UBE2F: variants seen among roughly 807,000 people sequenced by gnomAD.
UBE2F encodes the protein NEDD8-conjugating enzyme UBE2F.
A neutral mutation model predicts 29.6 loss-of-function variants in UBE2F; 5 were observed. The ratio of observed to expected loss-of-function variants is 0.17; its 90% confidence interval spans 0.09 to 0.36. The LOEUF (loss-of-function observed/expected upper bound fraction) is 0.36. UBE2F is among the 10% of genes least tolerant of loss of function. The pLI, the probability that UBE2F is intolerant of heterozygous loss-of-function variation, is 1.00. For missense variants in UBE2F, 141 were observed against 228.5 expected (o/e 0.62, Z 2.47); for synonymous variants, 66 against 81.8 (o/e 0.81, Z 1.04).
chr2:237,969,622 ACT>A (rs1219734857), intron 1 of UBE2F, among the ~76,000 whole-genome samples: 2 of 151,918 alleles, frequency 1.3e-5, no homozygotes, highest in Non-Finnish European at 2.9e-5. Flanking sequence ...TTATTGGGTG[ACT>A]CTGACGATGT....
At chr2:238,035,701 A>C in intron 8 of UBE2F, 177 bp from the exon 9 acceptor site, 1 of 559,570 alleles carries the variant, frequency 1.8e-6, no homozygotes, top group South Asian at 2.4e-5. Flanking sequence ...TGAAAAAAAT[A>C]CCCACATGTT....
At chr2:238,032,568 T>C in intron 8 of UBE2F, 2 of 283,300 alleles carry the variant, frequency 7.1e-6, no homozygotes, top group South Asian at 4.9e-5. Context: ...TGAGCTGAGA[T>C]TGCACCACTG....
At position 237,982,471 on chromosome 2, in the gene UBE2F, A is replaced by G. The variant is rs1248223883; in HGVS notation, c.119-5492A>G. Among the ~76,000 whole-genome samples the G allele has an allele frequency of 2.0e-5, 3 of 152,058 alleles. No individual in the cohort carries two copies. The highest frequency in any genetic ancestry group is 7.2e-5 in the African/African-American group (3 of 41,406). On this transcript the variant is annotated intron_variant, in intron 2 of 9. Coordinates refer to ENST00000272930, the MANE Select transcript of UBE2F (RefSeq NM_080678.3). This position sits in a 1 kb window ranked among gnomAD's most constrained non-coding sequence, Gnocchi z 4.1. ...ATGCTGGCCCCTCTGCTTGCAATCC[A>G]CAGTCGCTTACCATGCCGTCTGGAC...
chr2:238,019,373 C>T (rs761266478), intron 5 of UBE2F, among the ~76,000 whole-genome samples: 1 of 152,074 alleles, frequency 6.6e-6, no homozygotes, highest in Non-Finnish European at 1.5e-5. Flanking sequence ...GCGTTTCCTT[C>T]CTGTCCCCCC....
chr2:238,036,035 AAG>A (rs745660529), intron 9 of UBE2F, 95 bp downstream of exon 9: 16 of 1,137,380 alleles, frequency 1.4e-5, no homozygotes, highest in Admixed American at 1.3e-4. Context: ...TTTATCCACC[AAG>A]AGAGTGGTGG....
At chr2:237,986,768 C>T (rs1356042481) in intron 2 of UBE2F, among the ~76,000 whole-genome samples, 3 of 152,188 alleles carry the variant, frequency 2.0e-5, no homozygotes, top group African/African-American at 7.2e-5. Context: ...ATTGAAGGAA[C>T]TATCCTTTCC....
At chr2:238,003,197 T>C (rs749086518) in intron 4 of UBE2F, among the ~76,000 whole-genome samples, 13 of 152,158 alleles carry the variant, frequency 8.5e-5, no homozygotes, top group Non-Finnish European at 1.6e-4. Context: ...CACAGTTTTT[T>C]TTTTTGGTGG....
intron 4 of UBE2F, among the ~76,000 whole-genome samples, chr2:237,998,406 T>G (rs1576609461): frequency 1.3e-5 from 2 of 152,312 alleles, no homozygotes; most frequent in East Asian, 3.9e-4. Flanking sequence ...AAATGGAATC[T>G]TATATATGTA....
At chr2:238,007,010 C>G in intron 4 of UBE2F, among the ~76,000 whole-genome samples, 1 of 152,006 alleles carries the variant, frequency 6.6e-6, no homozygotes, top group Non-Finnish European at 1.5e-5. Flanking sequence ...CCTGCCTCTG[C>G]CTCCCAAAGT....
chr2:238,011,298 C>T (rs1410840012), intron 4 of UBE2F, among the ~76,000 whole-genome samples: 1 of 152,208 alleles, frequency 6.6e-6, no homozygotes, highest in Admixed American at 6.5e-5. Flanking sequence ...ACGGAACATA[C>T]TAGGCCTCTT....
chr2:238,029,418 C>G (rs2064517599), intron 6 of UBE2F, among the ~76,000 whole-genome samples: 2 of 152,164 alleles, frequency 1.3e-5, no homozygotes, highest in Non-Finnish European at 2.9e-5. Context: ...GAAACCCCGT[C>G]TCTACTAAAA....
chr2:237,991,025 G>A (rs369253671), intron 3 of UBE2F, among the ~76,000 whole-genome samples: 8 of 152,114 alleles, frequency 5.3e-5, no homozygotes, highest in African/African-American at 1.7e-4. Flanking sequence ...CCCATAGAGT[G>A]TACTTTAAAA....
In UBE2F at chr2:237,982,776, T is replaced by TC. The variant is rs1255720579; in HGVS notation, c.119-5186dup. ...TCATTATGAACAACTCATTTGCTCT[T>TC]CACCTGTGTAGGTCACACCTGTGAG... On this transcript the variant is annotated intron_variant, in intron 2 of 9. Transcript: ENST00000272930. This position sits in a 1 kb window ranked among gnomAD's most constrained non-coding sequence, Gnocchi z 4.1. Among the ~76,000 whole-genome samples the TC allele has an allele frequency of 6.6e-6, 1 of 152,236 alleles. No homozygotes were observed. The highest frequency in any genetic ancestry group is 2.4e-5 in the African/African-American group (1 of 41,464).
chr2:238,009,121 G>A (rs180925369), intron 4 of UBE2F, among the ~76,000 whole-genome samples: 69 of 152,324 alleles, frequency 4.5e-4, no homozygotes, highest in Non-Finnish European at 4.9e-4. Context: ...CACTTTATGC[G>A]ATGTGCATTT....
chr2:238,001,137 G>A (rs2063785431), intron 4 of UBE2F, among the ~76,000 whole-genome samples: 2 of 149,488 alleles, frequency 1.3e-5, no homozygotes, highest in South Asian at 2.1e-4. Flanking sequence ...TGGTTCAAGC[G>A]ATTCTCCTGC....
intron 5 of UBE2F, among the ~76,000 whole-genome samples, chr2:238,020,602 G>A (rs556260285): frequency 1.7e-4 from 26 of 152,270 alleles, no homozygotes; most frequent in African/African-American, 6.0e-4. Context: ...TAATAAAGTC[G>A]ATCGTTATTT....
At chr2:237,995,109 AAT>A (rs2063664911) in intron 4 of UBE2F, among the ~76,000 whole-genome samples, 1 of 152,220 alleles carries the variant, frequency 6.6e-6, no homozygotes, top group Non-Finnish European at 1.5e-5. Flanking sequence ...AGTGGGTTCC[AAT>A]CCTTTTCCCT....
At chr2:238,027,807 C>A (rs905917594) in intron 6 of UBE2F, among the ~76,000 whole-genome samples, 11 of 152,216 alleles carry the variant, frequency 7.2e-5, no homozygotes, top group Non-Finnish European at 1.5e-5. Context: ...GCCCTTCCCA[C>A]AGCAGGACTG....
At chr2:238,025,443 T>C (rs1300608305) in intron 6 of UBE2F, 31 bp downstream of exon 6, 1 of 1,578,166 alleles carries the variant, frequency 6.3e-7, no homozygotes, top group Non-Finnish European at 8.7e-7. Context: ...TTCTTCTACA[T>C]TCGTGAGTGT....
Sources: gnomAD v4.1 joint callset for allele counts (sites outside exome capture counted in the v4.1 genomes callset) on GRCh38, gnomAD v4.1.1 for gene constraint, Gnocchi (gnomAD v3.1) non-coding constraint, MANE v1.5 for transcripts, NCBI Gene and HGNC (gene_info 2026-07-23, HGNC 2026-07-21) for gene names.